Variants in LRP2 observed in about 807,000 individuals in gnomAD.
LRP2 encodes the protein low-density lipoprotein receptor-related protein 2.
In LRP2, 172 loss-of-function variants were observed where a neutral mutation model predicts 531.0. The observed-to-expected ratio is 0.32, with a 90% CI of 0.29 to 0.37. The LOEUF (loss-of-function observed/expected upper bound fraction) is 0.37, where lower values mean the gene tolerates loss of function less well. LRP2 is among the 10% of genes least tolerant of loss of function. The probability of loss-of-function intolerance (pLI) is 1.00; values close to 1 mark genes in which losing one functional copy is unlikely to be tolerated. For synonymous variants in LRP2, 1,992 were observed against 2,027.6 expected (o/e 0.98, Z 0.47); for missense variants, 5,167 against 5,868.3 (o/e 0.88, Z 3.90).
intron 47 of LRP2, among the ~76,000 whole-genome samples, chr2:169,193,274 G>A (rs1687891468): frequency 6.6e-6 from 1 of 150,638 alleles, no homozygotes; most frequent in Non-Finnish European, 1.5e-5. Flanking sequence ...AAAAAAAAAA[G>A]TATAAAAAAT....
intron 7 of LRP2, 108 bp downstream of exon 7, chr2:169,292,145 T>C (rs1684013946): frequency 2.2e-6 from 2 of 892,360 alleles, no homozygotes; most frequent in Admixed American, 3.4e-5. Context: ...CAGCCAATCC[T>C]GAGGCTTGCT....
chr2:169,195,467 CT>C (rs1440860289), intron 46 of LRP2, among the ~76,000 whole-genome samples: 1 of 151,926 alleles, frequency 6.6e-6, no homozygotes, highest in Non-Finnish European at 1.5e-5. Flanking sequence ...GTAAATTTTA[CT>C]TTTTTGTACA....
intron 70 of LRP2, 91 bp downstream of exon 70, chr2:169,145,656 T>C: frequency 7.9e-7 from 1 of 1,265,696 alleles, no homozygotes; most frequent in South Asian, 1.2e-5. Flanking sequence ...AGCTTGTTGT[T>C]ATCTACTGCC....
chr2:169,256,269 C>T, intron 18 of LRP2, 33 bp from the exon 19 acceptor site: 4 of 1,599,222 alleles, frequency 2.5e-6, no homozygotes, highest in South Asian at 1.1e-5. Context: ...TATCTCTTAT[C>T]CAAAAACTAT....
At chr2:169,336,094 A>G (rs1211152859) in intron 1 of LRP2, among the ~76,000 whole-genome samples, 1 of 152,200 alleles carries the variant, frequency 6.6e-6, no homozygotes, top group Non-Finnish European at 1.5e-5. Context: ...AGAAGAATGC[A>G]ATAAATGCAA....
At chr2:169,129,684 T>C (rs1432972917) in intron 77 of LRP2, among the ~76,000 whole-genome samples, 2 of 152,148 alleles carry the variant, frequency 1.3e-5, no homozygotes, top group East Asian at 3.9e-4. Context: ...ACACTTATTA[T>C]CCTATACTTG....
chr2:169,320,436 G>C (rs954726496), intron 2 of LRP2, among the ~76,000 whole-genome samples: 1 of 151,852 alleles, frequency 6.6e-6, no homozygotes, highest in Admixed American at 6.6e-5. Flanking sequence ...TGTTCTTGTG[G>C]GTACACAAAA....
At chr2:169,297,141 C>G (rs1158473172) in intron 4 of LRP2, among the ~76,000 whole-genome samples, 1 of 152,162 alleles carries the variant, frequency 6.6e-6, no homozygotes, top group African/African-American at 2.4e-5. Context: ...GAGACCCACA[C>G]AGAGACAACA....
At chr2:169,181,642 C>T in intron 51 of LRP2, 24 bp from the exon 52 acceptor site, 1 of 1,608,502 alleles carries the variant, frequency 6.2e-7, no homozygotes. Context: ...CACAAAGGGT[C>T]AGTCCCTGAT....
chr2:169,139,270 C>G lies in LRP2; in HGVS notation c.13369G>C (p.Ala4457Pro). ...HYRRTGSLLP[A>P]LPKLPSLSSL... ...ACTGACCTTGGCAGCTTGGGCAGAG[C>G]AGGCAAAAGGGAGCCGGTCCTTCTA... The change falls in exon 74 of 79, where the codon GCT becomes CCT. Residue 4457 changes from alanine (A) to proline (P), a missense_variant. Ala to Pro is a conservative substitution (Grantham distance 27, BLOSUM62 -1). Coordinates refer to ENST00000649046, the MANE Select transcript of LRP2 (RefSeq NM_004525.3). 1.2e-6 allele frequency: 2 copies of G among 1,614,162 alleles called. No homozygotes were observed. The highest frequency in any genetic ancestry group is 1.7e-6 in the Non-Finnish European group (2 of 1,180,012).
Position 169,207,196 on chromosome 2 carries a change from C to T in LRP2, c.6524G>A (p.Arg2175Gln), listed in dbSNP as rs767818490. Residue 2175 changes from arginine to glutamine, a missense_variant, in exon 39 of 79, where the codon CGG becomes CAG. Around this residue, in one of 6 missense-constraint regions of LRP2, gnomAD observed 2,811 missense variants for 3,058.0 expected, o/e 0.92. Coordinates refer to ENST00000649046, the MANE Select transcript of LRP2 (RefSeq NM_004525.3). ...AACACGGCGGTAAGTAGTATTGATC[C>T]GCAGAACTTCTATCAGTGTTTCAGA... ...FVSETLIEVL[R>Q]INTTYRRVLL... 32 of 1,613,808 alleles carry T rather than the reference C, an allele frequency of 2.0e-5. No individual in the cohort carries two copies. Among genetic ancestry groups the T allele is most frequent in the South Asian group, 4.4e-5 (4 of 91,010 alleles).
intron 1 of LRP2, among the ~76,000 whole-genome samples, chr2:169,344,835 G>C (rs1414024354): frequency 6.6e-6 from 1 of 152,208 alleles, no homozygotes; most frequent in East Asian, 1.9e-4. Flanking sequence ...GTGTCCTTAA[G>C]CCTGACTTTT....
chr2:169,265,355 T>C (rs1280550118), intron 16 of LRP2, among the ~76,000 whole-genome samples: 1 of 152,036 alleles, frequency 6.6e-6, no homozygotes. Context: ...ACAAGGCCTA[T>C]CCACATGTAC....
intron 31 of LRP2, among the ~76,000 whole-genome samples, chr2:169,228,673 C>T (rs555574326): frequency 8.5e-5 from 13 of 152,280 alleles, no homozygotes; most frequent in African/African-American, 2.2e-4. Flanking sequence ...ATGTCTCAAG[C>T]CCTTTATCTG....
Position 169,243,063 on chromosome 2 carries a change from C to T in LRP2, c.3560G>A (p.Cys1187Tyr). 1 of 1,606,618 alleles carries T rather than the reference C, an allele frequency of 6.2e-7. No homozygotes were observed. The highest frequency in any genetic ancestry group is 8.5e-7 in the Non-Finnish European group (1 of 1,173,254). Residue 1187 changes from cysteine to tyrosine, a missense_variant, in exon 24 of 79, where the codon TGT becomes TAT. Coordinates refer to ENST00000649046, the MANE Select transcript of LRP2 (RefSeq NM_004525.3). ...GGCACACTTGAATTGAGAAGCAGTACAGTTTAATACTAAGAATGAAAGAGA... is the reference window on the plus strand; with the variant it reads ...GGCACACTTGAATTGAGAAGCAGTATAGTTTAATACTAAGAATGAAAGAGA... ...GSDEVGCVLN[C>Y]TASQFKCASG...
chr2:169,168,434 T>C (rs898397900), intron 61 of LRP2, 105 bp downstream of exon 61: 2 of 1,408,436 alleles, frequency 1.4e-6, no homozygotes, highest in Non-Finnish European at 2.0e-6. Flanking sequence ...TGTCCATTCC[T>C]AAACAATTGT....
At chr2:169,214,484 C>T (rs1688706489) in intron 35 of LRP2, among the ~76,000 whole-genome samples, 1 of 152,162 alleles carries the variant, frequency 6.6e-6, no homozygotes, top group African/African-American at 2.4e-5. Context: ...TAATTTCACT[C>T]CAAAAACCTG....
intron 21 of LRP2, 85 bp downstream of exon 21, chr2:169,246,620 A>T (rs1193007950): frequency 1.0e-5 from 15 of 1,497,976 alleles, no homozygotes; most frequent in Non-Finnish European, 1.4e-5. Flanking sequence ...TCCCATATAA[A>T]TAGCCCAAGC....
intron 60 of LRP2, 79 bp from the exon 61 acceptor site, chr2:169,168,755 T>C (rs188222438): frequency 6.6e-7 from 1 of 1,510,508 alleles, no homozygotes; most frequent in East Asian, 2.3e-5. Context: ...ATTTCTCCTT[T>C]GGCTCTTGCC....
Sources: allele counts gnomAD v4.1 joint callset (sites outside exome capture counted in the v4.1 genomes callset), GRCh38; gene constraint gnomAD v4.1.1; regional missense constraint gnomAD v4.1.1; transcripts MANE v1.5; gene names NCBI Gene and HGNC (gene_info 2026-07-23, HGNC 2026-07-21).